The following OASL variants were observed in gnomAD, a reference collection of about 807,000 sequenced individuals.
OASL encodes the protein 2'-5'-oligoadenylate synthetase like, also known as 2'-5'-oligoadenylate synthase-like protein.
A neutral mutation model predicts 35.3 loss-of-function variants in OASL; 28 were observed. The observed-to-expected ratio is 0.79, with a 90% CI of 0.59 to 1.09. The LOEUF (loss-of-function observed/expected upper bound fraction) is 1.09. Among genes scored for constraint, OASL ranks in the 50% least tolerant of loss-of-function variants. The pLI is 0.00. For synonymous variants in OASL, 252 were observed against 254.6 expected, an observed-to-expected ratio of 0.99 and a Z score of 0.10; for missense variants, 620 against 635.2, an observed-to-expected ratio of 0.98 and a Z score of 0.26.
exon 6 of OASL, chr12:121,021,051 C>G: frequency 1.9e-6 from 3 of 1,579,490 alleles, no homozygotes; most frequent in Non-Finnish European, 2.6e-6. Context: ...GTGGATGTCT[C>G]GTGCCCTCTG....
At chr12:121,035,489 C>CA (rs1267261751) in intron 1 of OASL, among the ~76,000 whole-genome samples, 10 of 151,356 alleles carry the variant, frequency 6.6e-5, no homozygotes, top group African/African-American at 2.4e-4. Flanking sequence ...CTCGCCACTA[C>CA]ACTCCAGCCT....
chr12:121,026,197 A>G (rs889756599), intron 4 of OASL, among the ~76,000 whole-genome samples: 1 of 152,194 alleles, frequency 6.6e-6, no homozygotes, highest in African/African-American at 2.4e-5. Flanking sequence ...TGACAGAGAG[A>G]GAGAGGGAGT....
intron 1 of OASL, among the ~76,000 whole-genome samples, chr12:121,034,274 C>A (rs1424776345): frequency 6.6e-6 from 1 of 151,886 alleles, no homozygotes; most frequent in Non-Finnish European, 1.5e-5. Flanking sequence ...TCAAGCAATC[C>A]TCCCACCTCA....
At chr12:121,020,383 C>T in exon 6 of OASL, 1 of 638,976 alleles carries the variant, frequency 1.6e-6, no homozygotes, top group Non-Finnish European at 2.6e-6. Flanking sequence ...GCTCCTCCCA[C>T]CTCGGCCTCC....
intron 5 of OASL, 109 bp downstream of exon 5, chr12:121,023,881 A>T (rs2135903118): frequency 7.5e-7 from 1 of 1,330,022 alleles, no homozygotes; most frequent in African/African-American, 1.5e-5. Flanking sequence ...TTAAACGGTG[A>T]CTCTAAAGTT....
intron 4 of OASL, 143 bp from the exon 5 acceptor site, chr12:121,024,280 C>T: frequency 7.3e-6 from 6 of 816,914 alleles, no homozygotes; most frequent in Non-Finnish European, 1.1e-5. Flanking sequence ...GGCCCCAAAA[C>T]ACCGCAGGAG....
At chr12:121,027,479 G>A (rs563986166) in intron 4 of OASL, 97 bp downstream of exon 4, 1 of 1,545,418 alleles carries the variant, frequency 6.5e-7, no homozygotes, top group East Asian at 2.3e-5. Flanking sequence ...CAGCCTTACT[G>A]CTTAATACAG....
chr12:121,033,331 C>T (rs1869816912), intron 2 of OASL, 130 bp downstream of exon 2: 1 of 912,212 alleles, frequency 1.1e-6, no homozygotes, highest in Non-Finnish European at 1.7e-6. Flanking sequence ...ATAACCCAGC[C>T]CCAAGCATAG....
At chr12:121,029,610 C>A (rs944675854) in intron 3 of OASL, among the ~76,000 whole-genome samples, 10 of 152,042 alleles carry the variant, frequency 6.6e-5, no homozygotes, top group Non-Finnish European at 1.3e-4. Context: ...ATGGCATGAA[C>A]CCGGGAGGCG....
chr12:121,025,411 G>C (rs1360178155), intron 4 of OASL, among the ~76,000 whole-genome samples: 2 of 152,166 alleles, frequency 1.3e-5, no homozygotes, highest in Non-Finnish European at 2.9e-5. Flanking sequence ...AAGAATATTG[G>C]CTTGAAGGGG....
rs562023913 is a variant in OASL at position 121,026,897 on chromosome 12, A to C, written c.899+679T>G. 4.0e-5 allele frequency among the ~76,000 whole-genome samples: 6 copies of C among 151,460 alleles called. No homozygotes were observed. In the South Asian group the frequency reaches 1.3e-3, roughly 32 times the overall value. On this transcript the variant is annotated intron_variant, in intron 4 of 5. Coordinates refer to ENST00000257570, the Ensembl canonical transcript of OASL. The stretch of plus-strand genomic sequence containing the variant: ...ACGCAATGAGACCCAGATTCCTTCC[A>C]TCTTTTGGGTGAGGGAGCTGTGGTA...
chr12:121,025,716 C>G (rs1039589245), intron 4 of OASL, among the ~76,000 whole-genome samples: 3 of 150,504 alleles, frequency 2.0e-5, no homozygotes, highest in Non-Finnish European at 3.0e-5. Context: ...GAGCCAAGAT[C>G]GTGCCACTGA....
chr12:121,025,838 A>T (rs187941593), intron 4 of OASL, among the ~76,000 whole-genome samples: 123 of 151,990 alleles, frequency 8.1e-4, no homozygotes, highest in African/African-American at 2.7e-3. Flanking sequence ...GGGAGCTGCG[A>T]CTTCATCTGT....
At chr12:121,023,513 C>A (rs558759251) in intron 5 of OASL, among the ~76,000 whole-genome samples, 1 of 152,156 alleles carries the variant, frequency 6.6e-6, no homozygotes, top group Admixed American at 6.6e-5. Flanking sequence ...TGGTCTTGAA[C>A]TCCTGACCTC....
chr12:121,024,226 G>A, intron 4 of OASL, 89 bp from the exon 5 acceptor site: 3 of 1,431,740 alleles, frequency 2.1e-6, no homozygotes, highest in South Asian at 2.5e-5. Flanking sequence ...ATTTCGTCCA[G>A]CCACTGAGAA....
intron 2 of OASL, 46 bp from the exon 3 acceptor site, chr12:121,031,663 C>CAGAG: frequency 6.4e-7 from 1 of 1,566,096 alleles, no homozygotes; most frequent in Non-Finnish European, 8.8e-7. Flanking sequence ...TTGAGGAAGC[C>CAGAG]AGAGGGTGGT....
At position 121,033,758 on chromosome 12, in the gene OASL, GC is replaced by G; in HGVS notation, c.199-16del. The G allele has an allele frequency of 6.2e-7, 1 of 1,608,192 alleles. No individual in the cohort carries two copies. The highest frequency in any genetic ancestry group is 1.1e-5 in the South Asian group (1 of 90,934). On this transcript the variant is annotated splice_polypyrimidine_tract_variant and intron_variant, in intron 1 of 5. Coordinates refer to ENST00000257570, the Ensembl canonical transcript of OASL. The stretch of plus-strand genomic sequence containing the variant: ...AAGGAGCCCACCTGCAGAACACAGA[GC>G]CCCGTCACCCTGAGGCCCACTGCCA...
chr12:121,020,510 T>A (rs1173108027), exon 6 of OASL: 3 of 1,526,648 alleles, frequency 2.0e-6, no homozygotes, highest in Non-Finnish European at 1.8e-6. Context: ...ATTGACAGGA[T>A]GAGTTCTGGA....
intron 1 of OASL, among the ~76,000 whole-genome samples, chr12:121,035,237 T>G (rs1389601727): frequency 6.6e-6 from 1 of 151,976 alleles, no homozygotes; most frequent in African/African-American, 2.4e-5. Flanking sequence ...TTTTAATCTT[T>G]ACTTCCCAGC....
Sources: allele counts gnomAD v4.1 joint callset (sites outside exome capture counted in the v4.1 genomes callset), GRCh38; gene constraint gnomAD v4.1.1; transcripts MANE v1.5; gene names NCBI Gene and HGNC (gene_info 2026-07-23, HGNC 2026-07-21).